Variants in CSMD1 observed in about 807,000 individuals in gnomAD.
CSMD1 encodes CUB and Sushi multiple domains 1, also known as CUB and sushi domain-containing protein 1.
CSMD1 carries 213 observed loss-of-function variants against 417.5 expected under a neutral mutation model. The ratio of observed to expected loss-of-function variants is 0.51; its 90% CI spans 0.46 to 0.57. The LOEUF is 0.57. Among genes scored for constraint, CSMD1 ranks in the 20% least tolerant of loss-of-function variants. The pLI is 0.00. For synonymous variants in CSMD1, 2,862 were observed against 1,736.8 expected (o/e 1.65, Z -16.11); for missense variants, 6,923 against 4,529.7 (o/e 1.53, Z -15.17).
intron 2 of CSMD1, among the ~76,000 whole-genome samples, chr8:4,597,511 G>C (rs1220110526): frequency 6.6e-6 from 1 of 151,948 alleles, no homozygotes; most frequent in Admixed American, 6.6e-5. Flanking sequence ...TACTTGACCA[G>C]TTACTCTATA....
intron 3 of CSMD1, among the ~76,000 whole-genome samples, chr8:4,214,550 G>C (rs1441203466): frequency 6.6e-6 from 1 of 152,112 alleles, no homozygotes; most frequent in Admixed American, 6.5e-5. Flanking sequence ...TGTCTGACTT[G>C]GCCTCCCAAA....
At chr8:3,790,753 T>A (rs1003718049) in intron 5 of CSMD1, among the ~76,000 whole-genome samples, 9 of 152,300 alleles carry the variant, frequency 5.9e-5, no homozygotes, top group African/African-American at 9.6e-5. Context: ...ATAACGACCT[T>A]CAGAAATAAC....
chr8:4,703,945 A>C (rs940489950), intron 1 of CSMD1, among the ~76,000 whole-genome samples: 1 of 152,160 alleles, frequency 6.6e-6, no homozygotes, highest in Non-Finnish European at 1.5e-5. Context: ...CAAGTAGCAC[A>C]CAACCTAGAT....
At chr8:3,119,026 A>G (rs1260632306) in intron 41 of CSMD1, among the ~76,000 whole-genome samples, 1 of 152,106 alleles carries the variant, frequency 6.6e-6, no homozygotes, top group Non-Finnish European at 1.5e-5. Context: ...TAAAAATACA[A>G]AAAGTTAGCC....
intron 59 of CSMD1, among the ~76,000 whole-genome samples, chr8:2,963,782 A>C (rs1046443043): frequency 5.9e-5 from 9 of 152,170 alleles, no homozygotes; most frequent in African/African-American, 2.2e-4. Context: ...AGATGGTAAG[A>C]ATTTTTCTGG....
intron 2 of CSMD1, among the ~76,000 whole-genome samples, chr8:4,591,647 C>G (rs762848220): frequency 6.6e-6 from 1 of 152,000 alleles, no homozygotes; most frequent in East Asian, 1.9e-4. Context: ...CAGGAGAGGG[C>G]ATAAGTATGT....
At chr8:4,222,361 TAAACA>T in intron 3 of CSMD1, among the ~76,000 whole-genome samples, 1 of 144 alleles carries the variant, frequency 6.9e-3, no homozygotes, top group Non-Finnish European at 0.015. Flanking sequence ...TCTTATTCTG[TAAACA>T]GAATAAGAAG....
chr8:3,889,399 T>C (rs1428309491), intron 5 of CSMD1, among the ~76,000 whole-genome samples: 1 of 141,674 alleles, frequency 7.1e-6, no homozygotes. Context: ...TTTACTAACA[T>C]TAAATAATGC....
At chr8:4,742,877 A>T (rs1345388919) in intron 1 of CSMD1, among the ~76,000 whole-genome samples, 1 of 152,228 alleles carries the variant, frequency 6.6e-6, no homozygotes, top group Non-Finnish European at 1.5e-5. Context: ...GTCTGTTTAT[A>T]AGAGACATGT....
chr8:3,795,039 ATATC>A (rs1328476468), intron 5 of CSMD1, among the ~76,000 whole-genome samples: 4 of 101,658 alleles, frequency 3.9e-5, no homozygotes, highest in South Asian at 3.1e-4. Flanking sequence ...CTATAGATAC[ATATC>A]TATCATGTAT....
intron 1 of CSMD1, among the ~76,000 whole-genome samples, chr8:4,831,066 C>T (rs774274759): frequency 7.9e-5 from 12 of 152,136 alleles, no homozygotes; most frequent in East Asian, 3.9e-4. Context: ...TCCAACCATG[C>T]GAACTCAAAG....
chr8:3,333,494 A>T (rs1807039585), intron 23 of CSMD1, among the ~76,000 whole-genome samples: 1 of 152,226 alleles, frequency 6.6e-6, no homozygotes, highest in Non-Finnish European at 1.5e-5. Context: ...TAAAAACAAA[A>T]TTTTGCCGTA....
At chr8:3,876,406 A>T (rs952864161) in intron 5 of CSMD1, among the ~76,000 whole-genome samples, 1 of 152,172 alleles carries the variant, frequency 6.6e-6, no homozygotes, top group Non-Finnish European at 1.5e-5. Context: ...ATTTCTAAAG[A>T]ATTCTGCACT....
chr8:4,591,551 G>C (rs904193295), intron 2 of CSMD1, among the ~76,000 whole-genome samples: 3 of 152,166 alleles, frequency 2.0e-5, no homozygotes, highest in African/African-American at 7.2e-5. Flanking sequence ...ACACAGAGAG[G>C]ACTGTAGTGC....
chr8:3,452,042 A>T (rs1815760809), intron 12 of CSMD1, among the ~76,000 whole-genome samples: 2 of 152,052 alleles, frequency 1.3e-5, no homozygotes, highest in African/African-American at 4.8e-5. Context: ...ATCCCTTGTA[A>T]GTTGGATTCC....
intron 3 of CSMD1, among the ~76,000 whole-genome samples, chr8:4,415,139 C>A (rs17070203): frequency 0.028 from 4,317 of 152,122 alleles, 100 homozygotes; most frequent in African/African-American, 0.067. Flanking sequence ...CAATTTTCTA[C>A]CCTTCAGATA....
At chr8:4,450,004 C>T (rs1016698620) in intron 2 of CSMD1, among the ~76,000 whole-genome samples, 3 of 152,200 alleles carry the variant, frequency 2.0e-5, no homozygotes, top group African/African-American at 7.2e-5. Context: ...CTAGCCATCT[C>T]TCCTGCTATG....
chr8:4,078,467 T>C (rs553213217), intron 3 of CSMD1, among the ~76,000 whole-genome samples: 56 of 151,886 alleles, frequency 3.7e-4, no homozygotes, highest in Admixed American at 1.6e-3. Context: ...GGTGCCACCA[T>C]GTTAGCCAGG....
intron 1 of CSMD1, among the ~76,000 whole-genome samples, chr8:4,908,322 T>C (rs1027565512): frequency 6.6e-6 from 1 of 152,218 alleles, no homozygotes; most frequent in South Asian, 2.1e-4. Context: ...GCATATGATA[T>C]AGGTAGGTGT....
Sources: allele counts gnomAD v4.1 joint callset (sites outside exome capture counted in the v4.1 genomes callset), GRCh38; gene constraint gnomAD v4.1.1; transcripts MANE v1.5; gene names NCBI Gene and HGNC (gene_info 2026-07-23, HGNC 2026-07-21).